Variants in GPN1 observed in about 807,000 individuals in gnomAD.
The protein encoded by GPN1 is GPN-loop GTPase 1, also known as ATP(GTP)-binding protein.
GPN1 carries 44 observed loss-of-function variants against 55.9 expected under a neutral mutation model. That is an observed-to-expected ratio of 0.79 (90% CI 0.62 to 1.01). GPN1 has a LOEUF of 1.01. Ranked by LOEUF, GPN1 falls within the 50% of genes least tolerant of loss-of-function variation. The probability of loss-of-function intolerance (pLI) is 0.00; values close to 1 mark genes in which losing one functional copy is unlikely to be tolerated. For missense variants in GPN1, 466 were observed against 462.8 expected (o/e 1.01, Z -0.06); for synonymous variants, 179 against 162.5 (o/e 1.10, Z -0.77).
In GPN1 at chr2:27,629,992, A is replaced by G. The variant is rs553800147; in HGVS notation, c.205+40A>G. 6.3e-5 allele frequency: 72 copies of G among 1,148,898 alleles called. No individual in the cohort carries two copies. In the South Asian group the frequency reaches 8.2e-4, roughly 13 times the overall value. The allele number at this position is 1,148,898 out of a possible 1,614,324, so 71.2% of individuals were successfully genotyped here. A position where few individuals can be genotyped will look rare whatever the true frequency, so the allele number is the denominator to read the frequency against. ...AACATAACTTGTGTGCAGTGCTTTA[A>G]AGAGAATGGAAAAGGCCAGGCGTGG... is the stretch of plus-strand genomic sequence containing the variant. On this transcript the variant is annotated intron_variant, in intron 2 of 13. Transcript: ENST00000610189.
Position 27,637,104 on chromosome 2 carries a change from C to G in GPN1, c.525-1106C>G, listed in dbSNP as rs528189734. On this transcript the variant is annotated intron_variant, in intron 7 of 13. Transcript: ENST00000610189. ...AACCCCATCTCTACAAAATATAAAA[C>G]TTTGACTCCCCCCAAACTTAATTAC... is the stretch of plus-strand genomic sequence containing the variant. 6.6e-5 allele frequency among the ~76,000 whole-genome samples: 10 copies of G among 152,070 alleles called. No individual in the cohort carries two copies. The South Asian group carries it at 1.9e-3, about 28-fold the overall frequency.
At chr2:27,641,100 T>TA in intron 10 of GPN1, 140 bp from the exon 11 acceptor site, 1 of 628,516 alleles carries the variant, frequency 1.6e-6, no homozygotes, top group South Asian at 2.3e-5. Context: ...TGTCAGTGAC[T>TA]AAGATTTGTT....
chr2:27,645,101 A>G (rs1424553242), intron 12 of GPN1, among the ~76,000 whole-genome samples: 1 of 151,958 alleles, frequency 6.6e-6, no homozygotes, highest in Non-Finnish European at 1.5e-5. Flanking sequence ...CAGAGTAGCT[A>G]GATCTACAGG....
chr2:27,638,484 A>G (rs1673816657), intron 8 of GPN1, among the ~76,000 whole-genome samples: 2 of 152,246 alleles, frequency 1.3e-5, no homozygotes, highest in Admixed American at 1.3e-4. Flanking sequence ...CTTCAACCAC[A>G]GTATGTAGAT....
chr2:27,635,181 A>G lies in GPN1; in HGVS notation c.471A>G (p.Thr157=). Residue 157 remains threonine, a synonymous_variant, in exon 7 of 14, where the codon ACA becomes ACG. Coordinates refer to ENST00000610189, the MANE Select transcript of GPN1 (RefSeq NM_007266.4). The stretch of plus-strand genomic sequence containing the variant: ...CAGTTGTCATCTATGTAATGGACAC[A>G]TCGAGAAGTACCAACCCAGTGACCT... ...FPTVVIYVMD[T]SRSTNPVTFM... 2 of 1,606,680 alleles carry G rather than the reference A, an allele frequency of 1.2e-6. No homozygotes were observed. The highest frequency in any genetic ancestry group is 1.7e-6 in the Non-Finnish European group (2 of 1,173,762).
rs1486672527 is a variant in GPN1, at chr2:27,643,583, G to A, written c.931+1064G>A. Among the ~76,000 whole-genome samples, 2 of 152,104 alleles carry A rather than the reference G, an allele frequency of 1.3e-5. No individual in the cohort carries two copies. Among genetic ancestry groups the A allele is most frequent in the African/African-American group, 4.8e-5 (2 of 41,416 alleles). On this transcript the variant is annotated intron_variant, in intron 12 of 13. Transcript: ENST00000610189. This position sits in a 1 kb window ranked among gnomAD's most constrained non-coding sequence, Gnocchi z 4.0. Reference sequence around the variant, plus strand: ...CATGATAGCAGGAGAAAATCTGGATGTGCATTGTATTTAATTCTCACATGC... The same window carrying A: ...CATGATAGCAGGAGAAAATCTGGATATGCATTGTATTTAATTCTCACATGC...
At chr2:27,644,047 G>A (rs1004596732) in intron 12 of GPN1, among the ~76,000 whole-genome samples, 1 of 152,088 alleles carries the variant, frequency 6.6e-6, no homozygotes, top group African/African-American at 2.4e-5. Flanking sequence ...GGGCGTGGTC[G>A]TGCATGTCTG....
At chr2:27,637,371 G>A (rs549878593) in intron 7 of GPN1, among the ~76,000 whole-genome samples, 1 of 152,214 alleles carries the variant, frequency 6.6e-6, no homozygotes, top group Non-Finnish European at 1.5e-5. Flanking sequence ...GGTGGCAGAG[G>A]TGGAAGAAAA....
chr2:27,632,055 A>G (rs1673577532), intron 4 of GPN1, among the ~76,000 whole-genome samples, 155 bp downstream of exon 4: 1 of 152,214 alleles, frequency 6.6e-6, no homozygotes, highest in Admixed American at 6.5e-5. Context: ...AGACTATGAG[A>G]AGGTGATCAG....
chr2:27,643,017 T>TA lies in GPN1; in HGVS notation c.931+504dup, dbSNP rs1437577057. 2.4e-5 allele frequency among the ~76,000 whole-genome samples: 3 copies of TA among 124,674 alleles called. No individual in the cohort carries two copies. The South Asian group carries it at 8.1e-4, about 34-fold the overall frequency. The allele number at this position is 124,674 out of a possible 152,430, so 81.8% of individuals were successfully genotyped here. Reference sequence around the variant, plus strand: ...CACATACATATGCATACATATATATTAAAAAATAAAGGATTTGGAAAGGCA... The same window carrying TA: ...CACATACATATGCATACATATATATTAAAAAAATAAAGGATTTGGAAAGGCA... On this transcript the variant is annotated intron_variant, in intron 12 of 13. Transcript: ENST00000610189. This position sits in a 1 kb window ranked among gnomAD's most constrained non-coding sequence, Gnocchi z 4.0.
rs1674048450 is a variant in GPN1 at position 27,643,175 on chromosome 2, A to ATTTTTTTTATAATTAAAAAAAATTTT, written c.931+665_931+690dup. On this transcript the variant is annotated intron_variant, in intron 12 of 13. Coordinates refer to ENST00000610189, the MANE Select transcript of GPN1 (RefSeq NM_007266.4). This position sits in a 1 kb window ranked among gnomAD's most constrained non-coding sequence, Gnocchi z 4.0. ...TTTCTAACACTTTTAACCCTCCTCA[A>ATTTTTTTTATAATTAAAAAAAATTTT]TTTTTTTTATAATTAAAAAAAATTT... Among the ~76,000 whole-genome samples the ATTTTTTTTATAATTAAAAAAAATTTT allele has an allele frequency of 6.0e-5, 9 of 149,724 alleles. No individual in the cohort carries two copies. The highest frequency in any genetic ancestry group is 1.5e-5 in the Non-Finnish European group (1 of 67,432).
chr2:27,642,227 G>C, intron 11 of GPN1: 1 of 528,262 alleles, frequency 1.9e-6, no homozygotes, highest in Non-Finnish European at 3.4e-6. Context: ...AAATCAGTCT[G>C]CAGAGCCCTC....
chr2:27,630,386 GTTTTTTT>G (rs202052577), intron 2 of GPN1, among the ~76,000 whole-genome samples: 2 of 82,514 alleles, frequency 2.4e-5, no homozygotes, highest in Middle Eastern at 9.3e-3. Context: ...AACAGCTTAG[GTTTTTTT>G]TTTTTTTTTT....
At chr2:27,640,481 A>T (rs1271717628) in intron 10 of GPN1, among the ~76,000 whole-genome samples, 1 of 152,220 alleles carries the variant, frequency 6.6e-6, no homozygotes, top group Non-Finnish European at 1.5e-5. Context: ...TTTGTAAATT[A>T]ATGGGCGTGG....
chr2:27,630,888 T>G (rs1558485322), intron 2 of GPN1, 139 bp from the exon 3 acceptor site: 2 of 675,712 alleles, frequency 3.0e-6, no homozygotes, highest in Non-Finnish European at 5.4e-6. Context: ...TTATTCTTTG[T>G]AAGGAAGGAA....
At chr2:27,635,605 TGG>T (rs1215930490) in intron 7 of GPN1, among the ~76,000 whole-genome samples, 1 of 151,740 alleles carries the variant, frequency 6.6e-6, no homozygotes, top group Non-Finnish European at 1.5e-5. Flanking sequence ...CGTTTGAGCT[TGG>T]GAGTTTGAAA....
chr2:27,647,232 C>T (rs1674280748), intron 12 of GPN1, among the ~76,000 whole-genome samples: 1 of 152,182 alleles, frequency 6.6e-6, no homozygotes, highest in African/African-American at 2.4e-5. Flanking sequence ...ACTATGTCCT[C>T]CCATGGCAGT....
chr2:27,629,309 C>T, intron 1 of GPN1, 140 bp downstream of exon 1: 2 of 1,480,636 alleles, frequency 1.4e-6, no homozygotes, highest in Non-Finnish European at 1.8e-6. Flanking sequence ...ACTTTAGTTC[C>T]TTCCCCGGCA....
chr2:27,628,457 C>T, upstream of GPN1: 1 of 1,551,486 alleles, frequency 6.4e-7, no homozygotes. Flanking sequence ...AGGGTGACTG[C>T]CAAGGAATGA....
Sources: allele counts gnomAD v4.1 joint callset (sites outside exome capture counted in the v4.1 genomes callset), GRCh38; gene constraint gnomAD v4.1.1; non-coding constraint Gnocchi (gnomAD v3.1); transcripts MANE v1.5; gene names NCBI Gene and HGNC (gene_info 2026-07-23, HGNC 2026-07-21).